Variants in ARNT2 observed in about 807,000 individuals in gnomAD.
ARNT2 encodes the protein aryl hydrocarbon receptor nuclear translocator 2, also known as ARNT protein 2.
Under a neutral mutation model 91.7 loss-of-function variants are expected in ARNT2, and 36 were observed. The ratio of observed to expected loss-of-function variants is 0.39; its 90% CI spans 0.30 to 0.52. ARNT2 has a LOEUF of 0.52. Ranked by LOEUF, ARNT2 falls within the 20% of genes least tolerant of loss-of-function variation. The pLI is 0.72. For synonymous variants in ARNT2, 365 were observed against 347.1 expected, an observed-to-expected ratio of 1.05 and a Z score of -0.57; for missense variants, 775 against 939.3, an observed-to-expected ratio of 0.83 and a Z score of 2.29.
chr15:80,490,604 G>A (rs992879850), intron 5 of ARNT2, among the ~76,000 whole-genome samples: 14 of 152,244 alleles, frequency 9.2e-5, no homozygotes, highest in African/African-American at 3.4e-4. Context: ...CCATGTGGAT[G>A]CAGACCCCGC....
intron 1 of ARNT2, among the ~76,000 whole-genome samples, chr15:80,412,020 G>A (rs942770410): frequency 2.6e-5 from 4 of 152,238 alleles, no homozygotes; most frequent in African/African-American, 9.6e-5. Context: ...CTGGCTTTGA[G>A]ATTCAGCCAC....
intron 17 of ARNT2, among the ~76,000 whole-genome samples, chr15:80,589,646 G>C (rs1257536703): frequency 6.6e-6 from 1 of 152,178 alleles, no homozygotes; most frequent in African/African-American, 2.4e-5. Flanking sequence ...CTTCCAGAAT[G>C]GGACAGGTGC....
At chr15:80,551,503 C>T (rs1198948987) in intron 9 of ARNT2, among the ~76,000 whole-genome samples, 2 of 152,186 alleles carry the variant, frequency 1.3e-5, no homozygotes, top group Admixed American at 6.5e-5. Flanking sequence ...GTTCATCCCC[C>T]ATGCTTGTGC....
chr15:80,418,330 T>G (rs937052820), intron 1 of ARNT2, among the ~76,000 whole-genome samples: 2 of 152,144 alleles, frequency 1.3e-5, no homozygotes, highest in African/African-American at 4.8e-5. Flanking sequence ...TGTCCCTACC[T>G]TGCACTGCCC....
intron 1 of ARNT2, among the ~76,000 whole-genome samples, chr15:80,425,713 G>GAGT: frequency 6.6e-6 from 1 of 150,802 alleles, no homozygotes; most frequent in Admixed American, 6.6e-5. Context: ...ACCTGTTTTG[G>GAGT]AGTGTTTTTT....
rs560678309 is a variant in ARNT2, at chr15:80,550,362, G to C, written c.878-837G>C. Among the ~76,000 whole-genome samples, 15 of 152,272 alleles carry C rather than the reference G, an allele frequency of 9.9e-5. No individual in the cohort carries two copies. In the South Asian group the frequency reaches 3.1e-3, roughly 32 times the overall value. Reference sequence around the variant, plus strand: ...GGAGTGAGGGGCTGTCACTGTACTTGTGTGACTCTATCACTGTGAACCCTT... The same window carrying C: ...GGAGTGAGGGGCTGTCACTGTACTTCTGTGACTCTATCACTGTGAACCCTT... On this transcript the variant is annotated intron_variant, in intron 8 of 18. Transcript: ENST00000303329.
At chr15:80,442,792 A>G (rs952204567) in intron 1 of ARNT2, 42 of 953,486 alleles carry the variant, frequency 4.4e-5, no homozygotes, top group Non-Finnish European at 5.1e-5. Context: ...AACTGGCCCA[A>G]TCATATTTTT....
chr15:80,438,233 G>A (rs1029358929), intron 1 of ARNT2, among the ~76,000 whole-genome samples: 2 of 152,156 alleles, frequency 1.3e-5, no homozygotes, highest in Non-Finnish European at 2.9e-5. Context: ...TGCTTACCAT[G>A]CTGCAATTTA....
intron 1 of ARNT2, among the ~76,000 whole-genome samples, chr15:80,447,141 A>AACACACACAC (rs141530902): frequency 1.3e-5 from 2 of 150,080 alleles, no homozygotes; most frequent in African/African-American, 4.9e-5. Context: ...CTGTGCATAT[A>AACACACACAC]ACACACACAC....
At chr15:80,525,948 A>G (rs1566993454) in intron 8 of ARNT2, among the ~76,000 whole-genome samples, 1 of 152,206 alleles carries the variant, frequency 6.6e-6, no homozygotes, top group Non-Finnish European at 1.5e-5. Flanking sequence ...TCTAAAGGCA[A>G]CCTTGAAAAA....
rs189382354 is a variant in ARNT2, at chr15:80,530,973, C to T, written c.877+16568C>T. Among the ~76,000 whole-genome samples, 14 of 152,302 alleles carry T rather than the reference C, an allele frequency of 9.2e-5. No homozygotes were observed. The East Asian group carries it at 1.5e-3, about 17-fold the overall frequency. ...TTAGACTTCTACAGTGATGAAATCT[C>T]TTTATCTTTGTTTAAACTATGTTTC... is the stretch of plus-strand genomic sequence containing the variant. On this transcript the variant is annotated intron_variant, in intron 8 of 18. Transcript: ENST00000303329.
In ARNT2 at chr15:80,441,232, T is replaced by A. The variant is rs952471544; in HGVS notation, c.32-9648T>A. Reference sequence around the variant, plus strand: ...ATGGTCCACAGTTAAGGTAAACAGATCTGTGATGACATTTTCTCAGCAGAA... The same window carrying A: ...ATGGTCCACAGTTAAGGTAAACAGAACTGTGATGACATTTTCTCAGCAGAA... On this transcript the variant is annotated intron_variant, in intron 1 of 18. Coordinates refer to ENST00000303329, the MANE Select transcript of ARNT2 (RefSeq NM_014862.4). 5 of 985,308 alleles carry A rather than the reference T, an allele frequency of 5.1e-6. No homozygotes were observed. The African/African-American group carries it at 8.7e-5, about 17-fold the overall frequency. The allele number at this position is 985,308 out of a possible 1,614,324, so 61.0% of individuals were successfully genotyped here. A position where few individuals can be genotyped will look rare whatever the true frequency, so the allele number is the denominator to read the frequency against.
At chr15:80,567,317 C>A (rs892677956) in intron 12 of ARNT2, among the ~76,000 whole-genome samples, 1 of 135,136 alleles carries the variant, frequency 7.4e-6, no homozygotes, top group African/African-American at 3.7e-5. Flanking sequence ...CAAGACATAG[C>A]TTTAAATGCC....
At chr15:80,567,020 A>T (rs1898496714) in intron 12 of ARNT2, among the ~76,000 whole-genome samples, 1 of 152,134 alleles carries the variant, frequency 6.6e-6, no homozygotes, top group Non-Finnish European at 1.5e-5. Context: ...TTTACTCAGG[A>T]AGCAGAGAGG....
chr15:80,472,875 A>G (rs1189682090), intron 4 of ARNT2, among the ~76,000 whole-genome samples: 2 of 152,178 alleles, frequency 1.3e-5, no homozygotes, highest in Non-Finnish European at 2.9e-5. Context: ...ATATTTTTTT[A>G]ATCCTCACCA....
intron 8 of ARNT2, among the ~76,000 whole-genome samples, chr15:80,525,764 A>C (rs1897630439): frequency 6.6e-6 from 1 of 152,212 alleles, no homozygotes; most frequent in Non-Finnish European, 1.5e-5. Flanking sequence ...CCCTATTACA[A>C]GGTCATAGAA....
intron 4 of ARNT2, among the ~76,000 whole-genome samples, chr15:80,471,773 G>A (rs1417448862): frequency 6.6e-6 from 1 of 152,146 alleles, no homozygotes; most frequent in Admixed American, 6.5e-5. Flanking sequence ...CTGCTTAGTG[G>A]AGGAGCCAAG....
At chr15:80,569,804 G>A (rs1898553316) in intron 12 of ARNT2, among the ~76,000 whole-genome samples, 3 of 152,260 alleles carry the variant, frequency 2.0e-5, no homozygotes, top group Admixed American at 2.0e-4. Flanking sequence ...CCTGCACCAA[G>A]GTGTGTGAGT....
chr15:80,478,298 T>TCAAGGCAGGTCAGGCTCTGGC (rs1896836556), intron 5 of ARNT2, among the ~76,000 whole-genome samples: 1 of 152,224 alleles, frequency 6.6e-6, no homozygotes, highest in Non-Finnish European at 1.5e-5. Flanking sequence ...GAAGCGATGG[T>TCAAGGCAGGTCAGGCTCTGGC]CAAGGCAGGT....
Sources: gnomAD v4.1 joint callset for allele counts (sites outside exome capture counted in the v4.1 genomes callset) on GRCh38, gnomAD v4.1.1 for gene constraint, MANE v1.5 for transcripts, NCBI Gene and HGNC (gene_info 2026-07-23, HGNC 2026-07-21) for gene names.